LNX1: variants seen among roughly 807,000 people sequenced by gnomAD.
LNX1 encodes the protein E3 ubiquitin-protein ligase LNX.
In LNX1, 54 loss-of-function variants were observed where a neutral mutation model predicts 68.4. The observed-to-expected ratio is 0.79, with a 90% CI of 0.63 to 0.99. The LOEUF (loss-of-function observed/expected upper bound fraction) is 0.99, where lower values mean the gene tolerates loss of function less well. Ranked by LOEUF, LNX1 falls within the 50% of genes least tolerant of loss-of-function variation. LNX1 has a pLI of 0.00. For synonymous variants in LNX1, 336 were observed against 350.0 expected (o/e 0.96, Z 0.45); for missense variants, 906 against 926.4 (o/e 0.98, Z 0.29).
chr4:53,573,893 T>C lies in LNX1; in HGVS notation c.110A>G (p.Asp37Gly), dbSNP rs781109488. ...HFYSYPEEVD[D>G]DLICHICLQA... ...CAGGCAGATGTGGCAGATGAGGTCATCATCCACTTCCTCTGGATAGCTGTA... is the reference window on the plus strand; with the variant it reads ...CAGGCAGATGTGGCAGATGAGGTCACCATCCACTTCCTCTGGATAGCTGTA... The change falls in exon 2 of 11, where the codon GAT becomes GGT. Residue 37 changes from aspartate (D) to glycine (G), a missense_variant. Transcript: ENST00000263925. The C allele has an allele frequency of 2.5e-6, 4 of 1,613,674 alleles. No individual in the cohort carries two copies. The highest frequency in any genetic ancestry group is 3.4e-6 in the Non-Finnish European group (4 of 1,179,854).
intron 1 of LNX1, among the ~76,000 whole-genome samples, chr4:53,643,730 G>A (rs182689654): frequency 1.9e-4 from 29 of 152,296 alleles, no homozygotes; most frequent in South Asian, 6.2e-4. Flanking sequence ...GTAACCTTGG[G>A]CAGCTTGCTA....
intron 2 of LNX1, among the ~76,000 whole-genome samples, chr4:53,573,138 CA>C (rs1301338265): frequency 6.6e-6 from 1 of 152,066 alleles, no homozygotes; most frequent in African/African-American, 2.4e-5. Context: ...GAGCTGGTCG[CA>C]AAAGGACAAA....
At position 53,498,727 on chromosome 4, in the gene LNX1, G is replaced by A. The variant is rs199552515; in HGVS notation, c.892C>T (p.Leu298=). 4.3e-4 allele frequency: 690 copies of A among 1,613,892 alleles called. No homozygotes were observed. The highest frequency in any genetic ancestry group is 5.2e-4 in the Non-Finnish European group (618 of 1,179,886). Residue 298 remains leucine, a synonymous_variant, in exon 5 of 11, where the codon CTG becomes TTG. Transcript: ENST00000263925. ...ATGTGTTGGATAATGATATGGACCA[G>A]TGGGGTTTCGCTACCTCCCACCAGC... The part of the protein sequence containing the change: ...IRLVGGSETP[L]VHIIIQHIYR...
chr4:53,466,259 T>C (rs1722673240), intron 9 of LNX1, among the ~76,000 whole-genome samples: 1 of 152,244 alleles, frequency 6.6e-6, no homozygotes, highest in Non-Finnish European at 1.5e-5. Context: ...ATTCACCATC[T>C]ATAAATAGGC....
At chr4:53,575,877 G>A in intron 1 of LNX1, 1 of 1,584,588 alleles carries the variant, frequency 6.3e-7, no homozygotes, top group South Asian at 1.2e-5. Context: ...TGAAGTTTGT[G>A]GTCAGCAGCC....
chr4:53,635,511 T>C (rs1201976089), intron 1 of LNX1, among the ~76,000 whole-genome samples: 2 of 152,168 alleles, frequency 1.3e-5, no homozygotes, highest in African/African-American at 4.8e-5. Context: ...TGAGTCCATT[T>C]GGTATTAATA....
intron 2 of LNX1, among the ~76,000 whole-genome samples, chr4:53,523,944 G>C (rs1017001915): frequency 1.3e-5 from 2 of 152,200 alleles, no homozygotes; most frequent in Non-Finnish European, 2.9e-5. Flanking sequence ...CTTACATTCA[G>C]AAGACATCTT....
At chr4:53,564,938 G>A (rs908763118) in intron 2 of LNX1, among the ~76,000 whole-genome samples, 10 of 152,146 alleles carry the variant, frequency 6.6e-5, no homozygotes, top group Admixed American at 3.9e-4. Flanking sequence ...GCGCTTTTCC[G>A]ACGGGCTTAA....
intron 2 of LNX1, among the ~76,000 whole-genome samples, chr4:53,560,161 T>G (rs1397002303): frequency 1.3e-5 from 2 of 152,232 alleles, no homozygotes; most frequent in Non-Finnish European, 2.9e-5. Context: ...CACGACCTCC[T>G]ATATAGATCA....
chr4:53,580,413 TG>T (rs1363622698), intron 1 of LNX1, among the ~76,000 whole-genome samples: 1 of 152,208 alleles, frequency 6.6e-6, no homozygotes, highest in East Asian at 1.9e-4. Flanking sequence ...ATGGGTAGAA[TG>T]AACTCCAAAA....
intron 2 of LNX1, among the ~76,000 whole-genome samples, chr4:53,566,197 C>G (rs1344408444): frequency 6.6e-6 from 1 of 151,840 alleles, no homozygotes; most frequent in African/African-American, 2.4e-5. Flanking sequence ...ACATAATTGT[C>G]AGATTCACCA....
rs1730713500 is a variant in LNX1 at position 53,566,629 on chromosome 4, A to C, written c.380+6994T>G. 3.9e-5 allele frequency among the ~76,000 whole-genome samples: 6 copies of C among 152,148 alleles called. No homozygotes were observed. In the South Asian group the frequency reaches 1.2e-3, roughly 32 times the overall value. ...AACCAGCTAACATCATAATGACAGG[A>C]TCAAATTCACACATAACACTATTAA... On this transcript the variant is annotated intron_variant, in intron 2 of 10. Transcript: ENST00000263925.
intron 1 of LNX1, among the ~76,000 whole-genome samples, chr4:53,632,942 G>A (rs747533136): frequency 1.1e-4 from 17 of 152,172 alleles, no homozygotes; most frequent in Admixed American, 3.3e-4. Context: ...CTATGTACAA[G>A]AATCCTTTTG....
chr4:53,540,889 C>A (rs1728712950), intron 2 of LNX1, among the ~76,000 whole-genome samples: 1 of 151,984 alleles, frequency 6.6e-6, no homozygotes, highest in Non-Finnish European at 1.5e-5. Context: ...GTAATCCCAG[C>A]ACTTTGGGAG....
At chr4:53,569,573 T>G (rs1730981266) in intron 2 of LNX1, among the ~76,000 whole-genome samples, 2 of 147,134 alleles carry the variant, frequency 1.4e-5, no homozygotes, top group African/African-American at 5.0e-5. Context: ...GAAGAAAACC[T>G]AGGCATTACC....
At chr4:53,555,582 G>A (rs1195814621) in intron 2 of LNX1, among the ~76,000 whole-genome samples, 1 of 152,124 alleles carries the variant, frequency 6.6e-6, no homozygotes, top group Non-Finnish European at 1.5e-5. Flanking sequence ...CTAGAAAGGA[G>A]GTACCATGCC....
intron 3 of LNX1, 71 bp downstream of exon 3, chr4:53,507,915 C>G: frequency 6.5e-7 from 1 of 1,538,088 alleles, no homozygotes; most frequent in Non-Finnish European, 8.8e-7. Context: ...GAACTTTCCA[C>G]AGTAAGTATT....
chr4:53,604,863 AC>A (rs1398764489), intron 2 of LNX1, among the ~76,000 whole-genome samples: 1 of 152,202 alleles, frequency 6.6e-6, no homozygotes, highest in Non-Finnish European at 1.5e-5. Flanking sequence ...GGGGCAGAAA[AC>A]TGGAAACATG....
At chr4:53,576,247 C>T (rs1731484358) in intron 1 of LNX1, 1 of 1,609,122 alleles carries the variant, frequency 6.2e-7, no homozygotes, top group Non-Finnish European at 8.5e-7. Context: ...GGTCCTGATG[C>T]AGCTGAAGCT....
Sources: gnomAD v4.1 joint callset for allele counts (sites outside exome capture counted in the v4.1 genomes callset) on GRCh38, gnomAD v4.1.1 for gene constraint, MANE v1.5 for transcripts, NCBI Gene and HGNC (gene_info 2026-07-23, HGNC 2026-07-21) for gene names.